The following TFAP4 variants were observed in gnomAD, a reference collection of about 807,000 sequenced individuals.
TFAP4 encodes activating enhancer-binding protein 4.
In TFAP4, 7 loss-of-function variants were observed where a neutral mutation model predicts 40.4. The observed-to-expected ratio is 0.17, with a 90% CI of 0.10 to 0.33. TFAP4 has a LOEUF of 0.33. Ranked by LOEUF, TFAP4 falls within the 10% of genes least tolerant of loss-of-function variation. TFAP4 has a pLI of 1.00. For missense variants in TFAP4, 374 were observed against 451.1 expected, an observed-to-expected ratio of 0.83 and a Z score of 1.55; for synonymous variants, 218 against 181.4, an observed-to-expected ratio of 1.20 and a Z score of -1.62.
Position 4,258,160 on chromosome 16 carries a change from G to C in TFAP4, c.912C>G (p.Cys304Trp), listed in dbSNP as rs746998172. The C allele has an allele frequency of 6.2e-7, 1 of 1,614,030 alleles. No individual in the cohort carries two copies. The change falls in exon 7 of 7, where the codon TGC (cysteine) becomes TGG (tryptophan). Residue 304 changes from cysteine to tryptophan, a missense_variant. Transcript: ENST00000204517. ...CGGTGTCAGAGGTGGGGGCCTCCGGGCAGCTGCGGACAGGCTTCACGATGA... is the reference window on the plus strand; with the variant it reads ...CGGTGTCAGAGGTGGGGGCCTCCGGCCAGCTGCGGACAGGCTTCACGATGA... ...RAVIVKPVRS[C>W]PEAPTSDTAS...
Position 4,260,157 on chromosome 16 carries a change from G to A in TFAP4, c.755C>T (p.Thr252Ile). The A allele has an allele frequency of 3.1e-6, 5 of 1,603,626 alleles. No individual in the cohort carries two copies. The highest frequency in any genetic ancestry group is 3.4e-6 in the Non-Finnish European group (4 of 1,175,332). Reference sequence around the variant, plus strand: ...GTTGATGACCGAGGAGGGGCCCATGGTGACGACATTGATGTGGTGGGAGGG... The same window carrying A: ...GTTGATGACCGAGGAGGGGCCCATGATGACGACATTGATGTGGTGGGAGGG... ...PPPSHHINVV[T>I]MGPSSVINSV... Residue 252 changes from threonine to isoleucine, a missense_variant, in exon 6 of 7, where the codon ACC becomes ATC. Thr to Ile is a moderately conservative substitution (Grantham distance 89). Around this residue, in one of 6 missense-constraint regions of TFAP4, gnomAD observed 161 missense variants for 154.2 expected, o/e 1.04. Coordinates refer to ENST00000204517, the MANE Select transcript of TFAP4 (RefSeq NM_003223.3).
At position 4,258,221 on chromosome 16, in the gene TFAP4, T is replaced by C. The variant is rs778676872; in HGVS notation, c.851A>G (p.Glu284Gly). 5 of 1,606,358 alleles carry C rather than the reference T, an allele frequency of 3.1e-6. No homozygotes were observed. The Admixed American group carries it at 8.4e-5, about 27-fold the overall frequency. The change falls in exon 7 of 7, where the codon GAA (glutamate) becomes GGA (glycine). Residue 284 changes from glutamate (E) to glycine (G), a missense_variant. Transcript: ENST00000204517. Reference sequence around the variant, plus strand: ...CTGCTCCTCCTCCAGCTCCTGCTTTTCCTGGGTGCCCTCGATGTGCTGGAT... The same window carrying C: ...CTGCTCCTCCTCCAGCTCCTGCTTTCCCTGGGTGCCCTCGATGTGCTGGAT... Reference protein sequence around the residue: ...QAIQHIEGTQEKQELEEEQRR... With the variant: ...QAIQHIEGTQGKQELEEEQRR...
chr16:4,265,056 G>A (rs529990666), intron 1 of TFAP4: 1 of 152,152 alleles, frequency 6.6e-6, no homozygotes, highest in African/African-American at 2.4e-5. Context: ...CCCTCCTGGA[G>A]GGTCCACAAC....
intron 1 of TFAP4, among the ~76,000 whole-genome samples, chr16:4,271,025 C>A (rs781168224): frequency 2.6e-5 from 4 of 152,238 alleles, no homozygotes; most frequent in Non-Finnish European, 5.9e-5. Context: ...CAAAGTGAGT[C>A]CCCAGAACAT....
rs766852828 is a variant in TFAP4, at chr16:4,258,106, G to A, written c.966C>T (p.Asp322=). ...GCTCCTCCCGGCTCTGGTCCATGGCGTCACTGTCTGAGGCCTCGGAGTCGG... is the reference window on the plus strand; with the variant it reads ...GCTCCTCCCGGCTCTGGTCCATGGCATCACTGTCTGAGGCCTCGGAGTCGG... The part of the protein sequence containing the change: ...TASDSEASDS[D]AMDQSREEPS... The change falls in exon 7 of 7, where the codon GAC becomes GAT. Residue 322 remains aspartate (D), a synonymous_variant. Transcript: ENST00000204517. 2.5e-6 allele frequency: 4 copies of A among 1,613,656 alleles called. No homozygotes were observed. Among genetic ancestry groups the A allele is most frequent in the Admixed American group, 1.7e-5 (1 of 60,020 alleles).
intron 4 of TFAP4, among the ~76,000 whole-genome samples, chr16:4,261,284 A>T (rs1395712309): frequency 1.4e-5 from 2 of 146,280 alleles, no homozygotes; most frequent in East Asian, 4.1e-4. Flanking sequence ...TCACGGTTAC[A>T]TTTTTTTTTT....
Position 4,258,140 on chromosome 16 carries a change from T to A in TFAP4, c.932A>T (p.Asp311Val), listed in dbSNP as rs2052912920. Residue 311 changes from aspartate to valine, a missense_variant, in exon 7 of 7, where the codon GAC becomes GTC. Around this residue, in one of 6 missense-constraint regions of TFAP4, gnomAD observed 93 missense variants for 79.2 expected, o/e 1.17. Coordinates refer to ENST00000204517, the MANE Select transcript of TFAP4 (RefSeq NM_003223.3). Reference protein sequence around the residue: ...VRSCPEAPTSDTASDSEASDS... With the variant: ...VRSCPEAPTSVTASDSEASDS... ...TGAGGCCTCGGAGTCGGAGGCGGTGTCAGAGGTGGGGGCCTCCGGGCAGCT... is the reference window on the plus strand; with the variant it reads ...TGAGGCCTCGGAGTCGGAGGCGGTGACAGAGGTGGGGGCCTCCGGGCAGCT... The A allele has an allele frequency of 1.9e-6, 3 of 1,613,464 alleles. No homozygotes were observed. The East Asian group carries it at 6.7e-5, about 36-fold the overall frequency.
Position 4,260,487 on chromosome 16 carries a change from G to A in TFAP4, c.634C>T (p.Leu212=). 1.2e-6 allele frequency: 2 copies of A among 1,605,474 alleles called. No individual in the cohort carries two copies. The highest frequency in any genetic ancestry group is 1.7e-6 in the Non-Finnish European group (2 of 1,176,248). The part of the protein sequence containing the change: ...EQVRLLHQEK[L]EREQQQLRTQ... ...CGCAGCTGCTGCTGTTCCCGCTCCA[G>A]CTTCTCCTGGTGCAGCAGCCTCACC... The change falls in exon 5 of 7, where the codon CTG becomes TTG. Residue 212 remains leucine, a synonymous_variant. Transcript: ENST00000204517.
chr16:4,272,954 ATGTGTGTGTGTGTG>A lies in TFAP4; in HGVS notation c.-222_-209del, dbSNP rs71139626. 119 of 156,254 alleles carry A rather than the reference ATGTGTGTGTGTGTG, an allele frequency of 7.6e-4. No homozygotes were observed. The highest frequency in any genetic ancestry group is 2.5e-3 in the African/African-American group (64 of 26,036). The allele number at this position is 156,254 out of a possible 1,614,324, so 9.7% of individuals were successfully genotyped here. A position where few individuals can be genotyped will look rare whatever the true frequency, so the allele number is the denominator to read the frequency against. On this transcript the variant is annotated 5_prime_UTR_variant, in exon 1 of 7. Coordinates refer to ENST00000204517, the MANE Select transcript of TFAP4 (RefSeq NM_003223.3). Reference sequence around the variant, plus strand: ...CCGGCCTGCCTCCCCGGGCGTGTGTATGTGTGTGTGTGTGTGTGTGTGTGTGTGTGTGTGTGTGT... The same window carrying A: ...CCGGCCTGCCTCCCCGGGCGTGTGTATGTGTGTGTGTGTGTGTGTGTGTGT...
intron 1 of TFAP4, among the ~76,000 whole-genome samples, chr16:4,271,444 C>A (rs987822610): frequency 2.0e-5 from 3 of 152,062 alleles, no homozygotes; most frequent in Admixed American, 1.3e-4. Flanking sequence ...CCGTAGAACG[C>A]CCACCTCCCC....
Position 4,257,997 on chromosome 16 carries a change from C to G in TFAP4, c.*58G>C, listed in dbSNP as rs2052910443. The G allele has an allele frequency of 1.3e-6, 2 of 1,538,688 alleles. No individual in the cohort carries two copies. The highest frequency in any genetic ancestry group is 2.7e-5 in the African/African-American group (2 of 73,012). ...CTCACTCATTCGCCCATGTCTCTCC[C>G]TGTGGCTGCCCCGGCTCCCTCCAGC... On this transcript the variant is annotated 3_prime_UTR_variant, in exon 7 of 7. Transcript: ENST00000204517.
intron 3 of TFAP4, 132 bp downstream of exon 3, chr16:4,262,192 G>A: frequency 8.8e-7 from 1 of 1,130,586 alleles, no homozygotes; most frequent in Non-Finnish European, 1.3e-6. Flanking sequence ...GGCCGGGGCA[G>A]GAAAAAAAGT....
chr16:4,271,076 CCCTCCAGGTGGG>C (rs2141098226), intron 1 of TFAP4, among the ~76,000 whole-genome samples: 1 of 152,372 alleles, frequency 6.6e-6, no homozygotes, highest in East Asian at 1.9e-4. Flanking sequence ...TATTACTGGG[CCCTCCAGGTGGG>C]CCTCGTGCAA....
At position 4,272,638 on chromosome 16, in the gene TFAP4, G is replaced by T. The variant is rs1481622889; in HGVS notation, c.89+20C>A. On this transcript the variant is annotated intron_variant, in intron 1 of 6. Transcript: ENST00000204517. The stretch of plus-strand genomic sequence containing the variant: ...GGGCTGCAGTGGTAGGAAGGGGGTG[G>T]GGGGAGGAGGAGTACACACCTACAG... The T allele has an allele frequency of 1.3e-6, 2 of 1,591,934 alleles. No individual in the cohort carries two copies. Among genetic ancestry groups the T allele is most frequent in the South Asian group, 2.2e-5 (2 of 89,100 alleles).
chr16:4,264,003 G>C (rs1009067658), intron 1 of TFAP4: 1 of 152,472 alleles, frequency 6.6e-6, no homozygotes, highest in African/African-American at 2.4e-5. Flanking sequence ...AGAGGCTGCC[G>C]GCCCCACCCG....
rs12929925 is a variant in TFAP4, at chr16:4,260,178, G to A, written c.734C>T (p.Ser245Phe). The change falls in exon 6 of 7, where the codon TCC (serine) becomes TTC (phenylalanine). Residue 245 changes from serine (S) to phenylalanine (F), a missense_variant. Coordinates refer to ENST00000204517, the MANE Select transcript of TFAP4 (RefSeq NM_003223.3). ...VIVPAPPPPP[S>F]HHINVVTMGP... ...CATGGTGACGACATTGATGTGGTGG[G>A]AGGGAGGAGGAGGCGGTGCTGGCAC... The A allele has an allele frequency of 8.7e-5, 138 of 1,594,686 alleles. No homozygotes were observed. Among genetic ancestry groups the A allele is most frequent in the Middle Eastern group, 5.1e-4 (3 of 5,898 alleles).
chr16:4,262,736 C>T (rs753603709), intron 1 of TFAP4, 35 bp from the exon 2 acceptor site: 10 of 1,596,862 alleles, frequency 6.3e-6, no homozygotes, highest in Non-Finnish European at 8.5e-6. Context: ...TCGGCCAAGG[C>T]GCCCTCTTCA....
chr16:4,257,884 T>G lies in TFAP4; in HGVS notation c.*171A>C, dbSNP rs2052909512. On this transcript the variant is annotated 3_prime_UTR_variant, in exon 7 of 7. Transcript: ENST00000204517. ...ACACCCCAGCCCCGGGACCTCGGGTTGAGTGGCTTCGTTCAAAGGTCGATT... is the reference window on the plus strand; with the variant it reads ...ACACCCCAGCCCCGGGACCTCGGGTGGAGTGGCTTCGTTCAAAGGTCGATT... The G allele has an allele frequency of 1.4e-6, 1 of 690,176 alleles. No individual in the cohort carries two copies. The highest frequency in any genetic ancestry group is 2.3e-6 in the Non-Finnish European group (1 of 426,984). 42.8% of individuals were successfully genotyped at this position (690,176 alleles called of 1,614,324 possible). A position where few individuals can be genotyped will look rare whatever the true frequency, so the allele number is the denominator to read the frequency against.
chr16:4,261,300 G>A (rs2052945428), intron 4 of TFAP4, among the ~76,000 whole-genome samples: 1 of 149,568 alleles, frequency 6.7e-6, no homozygotes, highest in Non-Finnish European at 1.5e-5. Context: ...TTTTTTTTGA[G>A]ATGGAGTCTC....
Sources: allele counts gnomAD v4.1 joint callset (sites outside exome capture counted in the v4.1 genomes callset), GRCh38; gene constraint gnomAD v4.1.1; regional missense constraint gnomAD v4.1.1; transcripts MANE v1.5; gene names NCBI Gene and HGNC (gene_info 2026-07-23, HGNC 2026-07-21).